Variants in DUSP29 observed in about 807,000 individuals in gnomAD.
DUSP29 encodes dual specificity phosphatase 29, also known as atypical dual-specific protein phosphatase.
DUSP29 carries 12 observed loss-of-function variants against 13.5 expected under a neutral mutation model. The observed-to-expected ratio is 0.89, with a 90% CI of 0.57 to 1.44. DUSP29 has a LOEUF of 1.44. Ranked by LOEUF, DUSP29 falls within the 40% of genes most tolerant of loss-of-function variation. The probability of loss-of-function intolerance (pLI) is 0.00; values close to 1 mark genes in which losing one functional copy is unlikely to be tolerated. For synonymous variants in DUSP29, 134 were observed against 128.7 expected (o/e 1.04, Z -0.28); for missense variants, 308 against 301.1 (o/e 1.02, Z -0.17).
In DUSP29 at chr10:75,037,831, C is replaced by A. The variant is rs375303086; in HGVS notation, c.*5G>T. 1.2e-5 allele frequency: 19 copies of A among 1,596,644 alleles called. No individual in the cohort carries two copies. The highest frequency in any genetic ancestry group is 1.6e-5 in the Non-Finnish European group (19 of 1,171,470). ...AAGTGCCTCTGCTGGCCCTGTGAGT[C>A]GGGCCTACAGCTCCCTGCCATCCTC... On this transcript the variant is annotated 3_prime_UTR_variant, in exon 4 of 4. Coordinates refer to ENST00000338487, the MANE Select transcript of DUSP29 (RefSeq NM_001003892.3).
intron 2 of DUSP29, among the ~76,000 whole-genome samples, chr10:75,053,905 T>C (rs1459957999): frequency 6.6e-6 from 1 of 152,196 alleles, no homozygotes; most frequent in Non-Finnish European, 1.5e-5. Flanking sequence ...GGGAATAATA[T>C]TTGTAAAATG....
chr10:75,072,488 C>T (rs1847352038), intron 1 of DUSP29, among the ~76,000 whole-genome samples: 1 of 152,170 alleles, frequency 6.6e-6, no homozygotes, highest in African/African-American at 2.4e-5. Context: ...CCACCCCAGC[C>T]TCCATGCCCA....
chr10:75,059,930 G>T (rs952908908), intron 1 of DUSP29, among the ~76,000 whole-genome samples: 1 of 152,054 alleles, frequency 6.6e-6, no homozygotes, highest in Non-Finnish European at 1.5e-5. Flanking sequence ...AGGCCGAGGC[G>T]GGCAGATCAC....
intron 1 of DUSP29, among the ~76,000 whole-genome samples, chr10:75,063,224 A>G (rs540752251): frequency 6.6e-6 from 1 of 152,224 alleles, no homozygotes; most frequent in African/African-American, 2.4e-5. Context: ...TATTTTTATG[A>G]TCCTCATAGA....
At chr10:75,066,958 C>CTA (rs1847216969) in intron 1 of DUSP29, among the ~76,000 whole-genome samples, 2 of 139,588 alleles carry the variant, frequency 1.4e-5, no homozygotes, top group African/African-American at 5.4e-5. Flanking sequence ...TTTTCTTTTT[C>CTA]TTTTTTTTTT....
chr10:75,037,993 G>T lies in DUSP29; in HGVS notation c.506C>A (p.Thr169Asn). ...CACTTGCTGGATGGCGTCCACCAGG[G>T]TCATGTCCTTGTGGATCATCAGGTA... ...LAYLMIHKDMTLVDAIQQVAK... is the reference protein window; with the variant it reads ...LAYLMIHKDMNLVDAIQQVAK... Residue 169 changes from threonine to asparagine, a missense_variant, in exon 4 of 4, where the codon ACC becomes AAC. By Grantham distance (65) the Thr-to-Asn change is moderately conservative (BLOSUM62 0). Transcript: ENST00000338487. 1 of 1,613,962 alleles carries T rather than the reference G, an allele frequency of 6.2e-7. No homozygotes were observed. Among genetic ancestry groups the T allele is most frequent in the Non-Finnish European group, 8.5e-7 (1 of 1,180,042 alleles).
intron 2 of DUSP29, among the ~76,000 whole-genome samples, chr10:75,055,271 A>T (rs1308314400): frequency 6.6e-6 from 1 of 151,696 alleles, no homozygotes; most frequent in East Asian, 1.9e-4. Context: ...CGCTGCACAT[A>T]TTTTCTCATT....
intron 1 of DUSP29, 113 bp from the exon 2 acceptor site, chr10:75,058,661 C>T: frequency 1.1e-6 from 1 of 936,910 alleles, no homozygotes; most frequent in Non-Finnish European, 1.6e-6. Flanking sequence ...AAGAGTTTCC[C>T]CAACCTGCTA....
intron 3 of DUSP29, among the ~76,000 whole-genome samples, chr10:75,042,108 G>A (rs1234880024): frequency 1.3e-5 from 2 of 152,226 alleles, no homozygotes; most frequent in Non-Finnish European, 1.5e-5. Context: ...ACATCCGAGA[G>A]CCTGCTGTCC....
At chr10:75,056,377 A>G (rs1331872407) in intron 2 of DUSP29, among the ~76,000 whole-genome samples, 1 of 152,096 alleles carries the variant, frequency 6.6e-6, no homozygotes, top group Non-Finnish European at 1.5e-5. Context: ...AAAATACAAA[A>G]ATCAGTCAGG....
chr10:75,067,593 G>C (rs534054081), intron 1 of DUSP29, among the ~76,000 whole-genome samples: 1 of 152,260 alleles, frequency 6.6e-6, no homozygotes, highest in South Asian at 2.1e-4. Context: ...AAGCTTTACC[G>C]TGTATGCCCC....
At chr10:75,058,580 A>G (rs1032212950) in intron 1 of DUSP29, 32 bp from the exon 2 acceptor site, 7 of 1,565,034 alleles carry the variant, frequency 4.5e-6, no homozygotes, top group African/African-American at 1.3e-5. Context: ...GATGGGGGTT[A>G]GCAGGGGACA....
At chr10:75,043,742 C>T in intron 3 of DUSP29, 55 bp downstream of exon 3, 2 of 1,295,356 alleles carry the variant, frequency 1.5e-6, no homozygotes, top group East Asian at 6.1e-5. Context: ...ACGGGCGGGG[C>T]GAGTCGGGGC....
intron 3 of DUSP29, among the ~76,000 whole-genome samples, chr10:75,038,447 C>T (rs1846514174): frequency 2.6e-5 from 4 of 152,054 alleles, no homozygotes. Context: ...CTGGCATGAC[C>T]GCGCTCCTGG....
intron 3 of DUSP29, among the ~76,000 whole-genome samples, chr10:75,039,387 G>A (rs991438626): frequency 6.6e-6 from 1 of 152,162 alleles, no homozygotes; most frequent in Non-Finnish European, 1.5e-5. Flanking sequence ...TCGTGGTGGT[G>A]CACCTGTAGT....
At position 75,037,547 on chromosome 10, in the gene DUSP29, C is replaced by CA. The variant is rs1447042123; in HGVS notation, c.*288dup. Among the ~76,000 whole-genome samples, 1 of 152,060 alleles carries CA rather than the reference C, an allele frequency of 6.6e-6. No homozygotes were observed. Among genetic ancestry groups the CA allele is most frequent in the Non-Finnish European group, 1.5e-5 (1 of 67,994 alleles). ...AAATCTTTTCCCTCTTCCTTCTCACCAAAAAAACAAAACCAAAGCAGGAGA... is the reference window on the plus strand; with the variant it reads ...AAATCTTTTCCCTCTTCCTTCTCACCAAAAAAAACAAAACCAAAGCAGGAGA... On this transcript the variant is annotated 3_prime_UTR_variant, in exon 4 of 4. Coordinates refer to ENST00000338487, the MANE Select transcript of DUSP29 (RefSeq NM_001003892.3).
chr10:75,056,491 G>C (rs866850902), intron 2 of DUSP29, among the ~76,000 whole-genome samples: 1 of 150,250 alleles, frequency 6.7e-6, no homozygotes, highest in Non-Finnish European at 1.5e-5. Flanking sequence ...TTGCGCCATT[G>C]AGGGACATCT....
intron 3 of DUSP29, among the ~76,000 whole-genome samples, chr10:75,041,921 G>C (rs1205576905): frequency 6.6e-6 from 1 of 152,178 alleles, no homozygotes; most frequent in East Asian, 1.9e-4. Context: ...TGGCAGTGGG[G>C]GCAGACCCTA....
rs1434312154 is a variant in DUSP29 at position 75,056,700 on chromosome 10, GTA to G, written c.200+1613_200+1614del. Among the ~76,000 whole-genome samples, 4 of 152,032 alleles carry G rather than the reference GTA, an allele frequency of 2.6e-5. No individual in the cohort carries two copies. The East Asian group carries it at 7.7e-4, about 29-fold the overall frequency. Reference sequence around the variant, plus strand: ...AAAAAAGTAAACCCTTTATATGTGTGTATATGTTTCCTTATGTTGGCAATAGC... The same window carrying G: ...AAAAAAGTAAACCCTTTATATGTGTGTATGTTTCCTTATGTTGGCAATAGC... On this transcript the variant is annotated intron_variant, in intron 2 of 3. Coordinates refer to ENST00000338487, the MANE Select transcript of DUSP29 (RefSeq NM_001003892.3).
Sources: gnomAD v4.1 joint callset for allele counts (sites outside exome capture counted in the v4.1 genomes callset) on GRCh38, gnomAD v4.1.1 for gene constraint, MANE v1.5 for transcripts, NCBI Gene and HGNC (gene_info 2026-07-23, HGNC 2026-07-21) for gene names.